Variants in PTPRO observed in about 807,000 individuals in gnomAD.
PTPRO encodes the protein protein tyrosine phosphatase receptor type O, also known as receptor-type tyrosine-protein phosphatase O.
In PTPRO, 62 loss-of-function variants were observed where a neutral mutation model predicts 145.2. The ratio of observed to expected loss-of-function variants is 0.43; its 90% CI spans 0.35 to 0.53. The LOEUF is 0.53. Among genes scored for constraint, PTPRO ranks in the 20% least tolerant of loss-of-function variants. The probability of loss-of-function intolerance (pLI) is 0.01; values close to 1 mark genes in which losing one functional copy is unlikely to be tolerated. For missense variants in PTPRO, 1,345 were observed against 1,482.7 expected (o/e 0.91, Z 1.53); for synonymous variants, 565 against 514.7 (o/e 1.10, Z -1.32).
chr12:15,406,481 T>C (rs1939650916), intron 1 of PTPRO, among the ~76,000 whole-genome samples: 1 of 152,222 alleles, frequency 6.6e-6, no homozygotes. Flanking sequence ...TGAAATACTG[T>C]CATTTAAAAA....
chr12:15,344,833 G>T (rs1867140851), intron 1 of PTPRO, among the ~76,000 whole-genome samples: 1 of 152,138 alleles, frequency 6.6e-6, no homozygotes, highest in African/African-American at 2.4e-5. Flanking sequence ...TTAATACAAT[G>T]TTCCTGCTCG....
chr12:15,495,108 G>A (rs1181684846), intron 2 of PTPRO, among the ~76,000 whole-genome samples: 1 of 152,040 alleles, frequency 6.6e-6, no homozygotes, highest in African/African-American at 2.4e-5. Flanking sequence ...ATTCAGAAAT[G>A]TTACCTTCAT....
chr12:15,499,002 C>T (rs1278068610), intron 3 of PTPRO, among the ~76,000 whole-genome samples: 1 of 152,018 alleles, frequency 6.6e-6, no homozygotes, highest in Non-Finnish European at 1.5e-5. Context: ...TGCAAACTGG[C>T]AAATAAACCA....
intron 2 of PTPRO, among the ~76,000 whole-genome samples, chr12:15,489,272 G>T (rs931219363): frequency 6.6e-6 from 1 of 152,128 alleles, no homozygotes; most frequent in African/African-American, 2.4e-5. Flanking sequence ...TGGATCTCAC[G>T]CAAGAAAGAA....
chr12:15,399,192 C>A (rs1037248412), intron 1 of PTPRO, among the ~76,000 whole-genome samples: 1 of 152,220 alleles, frequency 6.6e-6, no homozygotes, highest in Non-Finnish European at 1.5e-5. Flanking sequence ...ACTTTGAGCA[C>A]TACTCCATTC....
At chr12:15,440,312 T>C (rs557903565) in intron 1 of PTPRO, 16 of 504,522 alleles carry the variant, frequency 3.2e-5, no homozygotes, top group African/African-American at 3.0e-4. Context: ...ATTCACCATG[T>C]CTCCCTATCA....
In PTPRO at chr12:15,484,313, C is replaced by T. The variant is rs1251081665; in HGVS notation, c.349+66C>T. ...TTCCCCTGTTTCTTCCCGTAGGGCT[C>T]GAATTGACAGACTCCACCCAGAATG... On this transcript the variant is annotated intron_variant, in intron 2 of 26. Coordinates refer to ENST00000281171, the MANE Select transcript of PTPRO (RefSeq NM_030667.3). 9 of 1,581,262 alleles carry T rather than the reference C, an allele frequency of 5.7e-6. No homozygotes were observed. The East Asian group carries it at 9.0e-5, about 16-fold the overall frequency.
intron 2 of PTPRO, among the ~76,000 whole-genome samples, chr12:15,489,538 G>A (rs930982427): frequency 1.3e-5 from 2 of 152,170 alleles, no homozygotes; most frequent in Admixed American, 1.3e-4. Context: ...CATGGCATTT[G>A]TAAACTGTCA....
At chr12:15,435,126 T>G (rs546033906) in intron 1 of PTPRO, among the ~76,000 whole-genome samples, 35 of 152,272 alleles carry the variant, frequency 2.3e-4, no homozygotes, top group African/African-American at 8.2e-4. Flanking sequence ...ATGAAGCATC[T>G]CTCATATTCA....
chr12:15,561,840 CTT>C (rs1271478925), intron 17 of PTPRO, among the ~76,000 whole-genome samples: 3 of 152,120 alleles, frequency 2.0e-5, no homozygotes, highest in African/African-American at 7.2e-5. Flanking sequence ...TTCTCTGAGA[CTT>C]TCTCATTTTC....
rs143065615 is a variant in PTPRO at position 15,504,296 on chromosome 12, T to G, written c.1267+227T>G. ...TTTAACTTGAGGATTTTTTTTTTAC[T>G]ATTGTGATAATTGAACATTTATTAA... On this transcript the variant is annotated intron_variant, in intron 6 of 26. Coordinates refer to ENST00000281171, the MANE Select transcript of PTPRO (RefSeq NM_030667.3). 5.2e-3 allele frequency among the ~76,000 whole-genome samples: 798 copies of G among 152,284 alleles called. 3 individuals carry two copies. The highest frequency in any genetic ancestry group is 8.9e-3 in the Non-Finnish European group (608 of 68,024).
chr12:15,563,676 C>G (rs562353064), intron 17 of PTPRO, among the ~76,000 whole-genome samples: 3 of 152,102 alleles, frequency 2.0e-5, no homozygotes, highest in Non-Finnish European at 4.4e-5. Context: ...AAATGTGTCT[C>G]TCCTCCATGA....
chr12:15,474,589 A>C (rs1322768036), intron 1 of PTPRO, among the ~76,000 whole-genome samples: 3 of 152,228 alleles, frequency 2.0e-5, no homozygotes, highest in African/African-American at 7.2e-5. Flanking sequence ...AAATCACTAC[A>C]TTAAATTTGT....
chr12:15,573,969 C>G (rs968276273), intron 19 of PTPRO, among the ~76,000 whole-genome samples: 1 of 152,174 alleles, frequency 6.6e-6, no homozygotes, highest in Non-Finnish European at 1.5e-5. Context: ...GGCCAAATCA[C>G]CTTGGTCTAG....
intron 1 of PTPRO, among the ~76,000 whole-genome samples, chr12:15,458,308 A>G (rs1165843123): frequency 1.3e-5 from 2 of 151,998 alleles, no homozygotes; most frequent in African/African-American, 4.8e-5. Flanking sequence ...GTTTTTGACA[A>G]TTTGATTATA....
intron 12 of PTPRO, among the ~76,000 whole-genome samples, chr12:15,545,615 G>A (rs10846201): frequency 0.3 from 45,170 of 151,546 alleles, 6,750 homozygotes; most frequent in Middle Eastern, 0.43. Flanking sequence ...GTATGAAAAG[G>A]ACAGACAACA....
intron 1 of PTPRO, among the ~76,000 whole-genome samples, chr12:15,464,382 TC>T (rs1941368629): frequency 6.9e-6 from 1 of 145,656 alleles, no homozygotes; most frequent in African/African-American, 2.5e-5. Flanking sequence ...GGAGACTGAG[TC>T]TCACTCTGTC....
chr12:15,411,698 A>G (rs1939805009), intron 1 of PTPRO, among the ~76,000 whole-genome samples: 1 of 152,230 alleles, frequency 6.6e-6, no homozygotes, highest in Admixed American at 6.5e-5. Context: ...AGTCTAAAGG[A>G]CAAAACTAAA....
rs1333947700 is a variant in PTPRO at position 15,352,667 on chromosome 12, AAG to A, written c.75+29868_75+29869del. Among the ~76,000 whole-genome samples the A allele has an allele frequency of 9.3e-3, 875 of 94,164 alleles. 5 individuals are homozygous for A. Among genetic ancestry groups the A allele is most frequent in the African/African-American group, 0.024 (803 of 33,072 alleles). The allele number at this position is 94,164 out of a possible 152,430, so 61.8% of individuals were successfully genotyped here. ...TCTGTCTCAAAAAAAAAAAAAAAAA[AAG>A]AAAGAAAGAAAGAAATGGGAAAGTT... On this transcript the variant is annotated intron_variant, in intron 1 of 26. Coordinates refer to ENST00000281171, the MANE Select transcript of PTPRO (RefSeq NM_030667.3).
Sources: allele counts gnomAD v4.1 joint callset (sites outside exome capture counted in the v4.1 genomes callset), GRCh38; gene constraint gnomAD v4.1.1; transcripts MANE v1.5; gene names NCBI Gene and HGNC (gene_info 2026-07-23, HGNC 2026-07-21).